TENM1: variants seen among roughly 807,000 people sequenced by gnomAD.
TENM1 encodes teneurin-1.
TENM1 carries 35 observed loss-of-function variants against 174.8 expected under a neutral mutation model. That is an observed-to-expected ratio of 0.20 (90% CI 0.15 to 0.27). TENM1 has a LOEUF of 0.27. Ranked by LOEUF, TENM1 falls within the 10% of genes least tolerant of loss-of-function variation. The pLI is 1.00. For missense variants in TENM1, 1,633 were observed against 2,130.1 expected, an observed-to-expected ratio of 0.77 and a Z score of 4.59; for synonymous variants, 781 against 798.7, an observed-to-expected ratio of 0.98 and a Z score of 0.37.
chrX:124,862,604 C>A (rs112063134), intron 3 of TENM1, among the ~76,000 whole-genome samples: 1 of 111,385 alleles, frequency 9.0e-6, no homozygotes, highest in African/African-American at 3.3e-5. Context: ...AATCACTGAT[C>A]TCAGAGGTCC....
intron 3 of TENM1, among the ~76,000 whole-genome samples, chrX:124,846,631 A>G (rs1005912432): frequency 2.7e-5 from 3 of 111,795 alleles, no homozygotes; most frequent in African/African-American, 9.7e-5. Flanking sequence ...AAAATTAACA[A>G]TGATAACAGG....
intron 14 of TENM1, among the ~76,000 whole-genome samples, chrX:124,555,852 C>T (rs897313873): frequency 1.8e-5 from 2 of 111,725 alleles, no homozygotes; most frequent in East Asian, 2.8e-4. Flanking sequence ...TGAAGAGGAT[C>T]GATGATGAAC....
chrX:124,729,788 T>TA (rs754364741), intron 4 of TENM1, among the ~76,000 whole-genome samples: 2 of 112,137 alleles, frequency 1.8e-5, no homozygotes, highest in South Asian at 7.4e-4. Flanking sequence ...GCCTCACAGG[T>TA]ATGTATCGTC....
chrX:124,934,080 G>A (rs2058211330), intron 1 of TENM1, among the ~76,000 whole-genome samples: 1 of 111,998 alleles, frequency 8.9e-6, no homozygotes, highest in South Asian at 3.7e-4. Flanking sequence ...TATTTTCAAT[G>A]AAATTTGGGA....
intron 1 of TENM1, among the ~76,000 whole-genome samples, chrX:124,938,707 T>A (rs1393305427): frequency 8.9e-6 from 1 of 112,111 alleles, no homozygotes. Flanking sequence ...CTAGAGTTGC[T>A]GAAAAGGGTA....
At chrX:124,507,793 G>T (rs1371108373) in intron 18 of TENM1, among the ~76,000 whole-genome samples, 1 of 111,804 alleles carries the variant, frequency 8.9e-6, no homozygotes, top group Non-Finnish European at 1.9e-5. Flanking sequence ...AATATGACAA[G>T]ATTAAGCAGA....
At chrX:124,427,748 T>G (rs1180543366) in intron 23 of TENM1, among the ~76,000 whole-genome samples, 1 of 112,024 alleles carries the variant, frequency 8.9e-6, no homozygotes, top group African/African-American at 3.2e-5. Flanking sequence ...AATACTGTAT[T>G]TACTACCAAG....
chrX:124,698,214 T>C (rs774648543), intron 5 of TENM1, among the ~76,000 whole-genome samples: 1 of 110,930 alleles, frequency 9.0e-6, no homozygotes, highest in Non-Finnish European at 1.9e-5. Flanking sequence ...TCAACGGTAG[T>C]TACCTCCAAA....
At chrX:124,708,229 A>G (rs2052957552) in intron 4 of TENM1, among the ~76,000 whole-genome samples, 1 of 111,865 alleles carries the variant, frequency 8.9e-6, no homozygotes, top group African/African-American at 3.3e-5. Context: ...TTAAAGAACA[A>G]AAGCATATGT....
At chrX:124,962,390 A>C (rs767348648) in intron 1 of TENM1, among the ~76,000 whole-genome samples, 1 of 111,946 alleles carries the variant, frequency 8.9e-6, no homozygotes, top group Non-Finnish European at 1.9e-5. Context: ...CAATATGTCT[A>C]GAGTGGGGCT....
chrX:125,115,560 T>C, the TENM1 span, among the ~76,000 whole-genome samples: 2 of 111,418 alleles, frequency 1.8e-5, no homozygotes, highest in African/African-American at 3.3e-5. Context: ...ACAAAATCAA[T>C]GTGCAAAAAC....
At chrX:124,469,745 T>G (rs1447515590) in intron 22 of TENM1, among the ~76,000 whole-genome samples, 1 of 111,610 alleles carries the variant, frequency 9.0e-6, no homozygotes, top group Non-Finnish European at 1.9e-5. Context: ...ATGACAAGCT[T>G]GGAAAAATAT....
Position 124,614,583 on chromosome X carries a change from A to G in TENM1, c.2077+27208T>C, listed in dbSNP as rs868767646. On this transcript the variant is annotated intron_variant, in intron 11 of 31. Coordinates refer to ENST00000422452, the Ensembl canonical transcript of TENM1. The stretch of plus-strand genomic sequence containing the variant: ...TGGGGTTACCCAGACAACATTTTAG[A>G]AGTACTGAGTGGTAACAGGCTGGGC... Among the ~76,000 whole-genome samples, 124 of 112,421 alleles carry G rather than the reference A, an allele frequency of 1.1e-3. 1 individual carries two copies. Among genetic ancestry groups the G allele is most frequent in the Middle Eastern group, 9.1e-3 (2 of 219 alleles).
At chrX:124,824,193 C>A (rs1049741215) in intron 3 of TENM1, among the ~76,000 whole-genome samples, 38 of 111,691 alleles carry the variant, frequency 3.4e-4, no homozygotes, top group African/African-American at 1.2e-3. Context: ...GCTTTTTTGA[C>A]AAAATTTTTC....
the TENM1 span, among the ~76,000 whole-genome samples, chrX:125,013,911 T>G: frequency 8.9e-6 from 1 of 111,810 alleles, no homozygotes; most frequent in African/African-American, 3.2e-5. Context: ...TCTCTTGGAA[T>G]GATGCTAAAC....
intron 3 of TENM1, among the ~76,000 whole-genome samples, chrX:124,750,203 G>A (rs970991182): frequency 2.7e-5 from 3 of 111,582 alleles, no homozygotes; most frequent in African/African-American, 9.8e-5. Flanking sequence ...AAGATGGGGA[G>A]AGGTAAGGCT....
At chrX:125,102,120 G>C in the TENM1 span, among the ~76,000 whole-genome samples, 2 of 111,401 alleles carry the variant, frequency 1.8e-5, no homozygotes, top group Non-Finnish European at 3.8e-5. Flanking sequence ...GTTGGCTCTT[G>C]AGGTGAACCT....
At chrX:125,163,018 T>C in the TENM1 span, among the ~76,000 whole-genome samples, 41 of 111,435 alleles carry the variant, frequency 3.7e-4, no homozygotes, top group African/African-American at 1.2e-3. Context: ...CTTCCCAGAG[T>C]TACCAATGCT....
intron 11 of TENM1, among the ~76,000 whole-genome samples, chrX:124,580,586 G>C (rs1386487183): frequency 9.1e-6 from 1 of 110,101 alleles, no homozygotes; most frequent in Non-Finnish European, 1.9e-5. Context: ...AGAGGAAATG[G>C]GAAGATACAG....
Sources: gnomAD v4.1 joint callset for allele counts (sites outside exome capture counted in the v4.1 genomes callset) on GRCh38, gnomAD v4.1.1 for gene constraint, MANE v1.5 for transcripts, NCBI Gene and HGNC (gene_info 2026-07-23, HGNC 2026-07-21) for gene names.